Variants in EML1 observed in about 807,000 individuals in gnomAD.
EML1 encodes the protein EMAP like 1, also known as echinoderm microtubule-associated protein-like 1.
A neutral mutation model predicts 110.4 loss-of-function variants in EML1; 27 were observed. That is an observed-to-expected ratio of 0.24 (90% CI 0.18 to 0.34). The LOEUF (loss-of-function observed/expected upper bound fraction) is 0.34, where lower values mean the gene tolerates loss of function less well. Among genes scored for constraint, EML1 ranks in the 10% least tolerant of loss-of-function variants. EML1 has a pLI of 1.00. For missense variants in EML1, 741 were observed against 1,030.9 expected (o/e 0.72, Z 3.85); for synonymous variants, 344 against 385.8 (o/e 0.89, Z 1.27).
At chr14:99,766,165 TG>T (rs1396454439) in intron 1 of EML1, among the ~76,000 whole-genome samples, 1 of 148,650 alleles carries the variant, frequency 6.7e-6, no homozygotes, top group Non-Finnish European at 1.5e-5. Context: ...GAAGTGCAAT[TG>T]TTGGATCACA....
At chr14:99,832,056 C>G (rs187883435) in intron 1 of EML1, among the ~76,000 whole-genome samples, 1 of 152,150 alleles carries the variant, frequency 6.6e-6, no homozygotes, top group Non-Finnish European at 1.5e-5. Context: ...TCCCTGCCCC[C>G]CTCCACTCCA....
chr14:99,914,849 T>A, intron 15 of EML1, 152 bp downstream of exon 15: 2 of 997,820 alleles, frequency 2.0e-6, no homozygotes, highest in Non-Finnish European at 2.8e-6. Context: ...GCAATTGCAT[T>A]TAACAGTGTT....
intron 1 of EML1, among the ~76,000 whole-genome samples, chr14:99,810,632 C>T (rs1278440949): frequency 1.3e-5 from 2 of 152,154 alleles, no homozygotes; most frequent in Admixed American, 1.3e-4. Context: ...GTGGCTTTTT[C>T]AGATACCCGG....
At chr14:99,801,905 G>A (rs2057888521) in intron 1 of EML1, among the ~76,000 whole-genome samples, 1 of 152,216 alleles carries the variant, frequency 6.6e-6, no homozygotes, top group Admixed American at 6.5e-5. Flanking sequence ...CGAAATGCGA[G>A]GATGACATGG....
In EML1 at chr14:99,738,086, G is replaced by A. The variant is rs77526870; in HGVS notation, c.28+226G>A. On this transcript the variant is annotated intron_variant, in intron 1 of 10. Coordinates refer to the EML1 transcript ENST00000554479. Reference sequence around the variant, plus strand: ...CTGCCCAGTGTAGCCAGTGCAGGAAGCTGTGCCTGATTCAAGCTCTCCTGG... The same window carrying A: ...CTGCCCAGTGTAGCCAGTGCAGGAAACTGTGCCTGATTCAAGCTCTCCTGG... 2.6e-5 allele frequency among the ~76,000 whole-genome samples: 4 copies of A among 152,324 alleles called. No individual in the cohort carries two copies. In the East Asian group the frequency reaches 7.7e-4, roughly 29 times the overall value.
chr14:99,740,319 AGGCC>A (rs2057027402), intron 1 of EML1, among the ~76,000 whole-genome samples: 1 of 152,210 alleles, frequency 6.6e-6, no homozygotes, highest in African/African-American at 2.4e-5. Flanking sequence ...AAGCCAGGTT[AGGCC>A]CCTCTTCCCG....
intron 3 of EML1, among the ~76,000 whole-genome samples, chr14:99,869,307 G>T (rs2059155781): frequency 6.6e-6 from 1 of 152,050 alleles, no homozygotes; most frequent in Non-Finnish European, 1.5e-5. Context: ...ATTATGTCTG[G>T]TATGGTGATC....
chr14:99,778,911 TC>T (rs373945041), intron 1 of EML1, among the ~76,000 whole-genome samples: 421 of 152,358 alleles, frequency 2.8e-3, no homozygotes, highest in Middle Eastern at 0.017. Flanking sequence ...TTGAATGTTT[TC>T]CTATCCCCAG....
rs141631682 is a variant in EML1 at position 99,865,589 on chromosome 14, G to A, written c.326G>A (p.Gly109Asp). The A allele has an allele frequency of 1.6e-3, 2,536 of 1,614,194 alleles. 23 individuals are homozygous for A. The highest frequency in any genetic ancestry group is 0.015 in the African/African-American group (1,110 of 75,054). The stretch of plus-strand genomic sequence containing the variant: ...ACTGTGTTACCAAAGAAACCTACTG[G>A]CTCTCTACCATCCCCCTCCGGGGTC... The part of the protein sequence containing the change: ...NGTVLPKKPT[G>D]SLPSPSGVRK... Residue 109 changes from glycine to aspartate, a missense_variant, in exon 3 of 22, where the codon GGC becomes GAC. By Grantham distance (94) the Gly-to-Asp change is moderately conservative. Around this residue, in one of 4 missense-constraint regions of EML1, gnomAD observed 226 missense variants for 255.6 expected, o/e 0.88. Coordinates refer to ENST00000262233, the MANE Select transcript of EML1 (RefSeq NM_004434.3).
chr14:99,887,378 G>T (rs538348882), intron 4 of EML1, among the ~76,000 whole-genome samples: 1 of 152,110 alleles, frequency 6.6e-6, no homozygotes, highest in Non-Finnish European at 1.5e-5. Flanking sequence ...TCACCGGGGG[G>T]GCAAATCCTT....
intron 3 of EML1, among the ~76,000 whole-genome samples, chr14:99,870,573 A>G (rs1026789839): frequency 1.3e-5 from 2 of 152,238 alleles, no homozygotes; most frequent in African/African-American, 2.4e-5. Flanking sequence ...TCAAAGCTTC[A>G]AAGGACAGAC....
At chr14:99,889,943 G>A (rs373188759) in intron 4 of EML1, among the ~76,000 whole-genome samples, 1 of 152,200 alleles carries the variant, frequency 6.6e-6, no homozygotes, top group East Asian at 1.9e-4. Context: ...CATCAGGAAA[G>A]TAGTAGGCTC....
At position 99,923,664 on chromosome 14, in the gene EML1, A is replaced by G. The variant is rs565622111; in HGVS notation, c.1909+2787A>G. ...CCCCCTTCACCTGTGTTTATCCCCG[A>G]TTACTGTGACCTTAGAGGAAATTTT... On this transcript the variant is annotated intron_variant, in intron 17 of 21. Transcript: ENST00000262233. Among the ~76,000 whole-genome samples, 14 of 52,118 alleles carry G rather than the reference A, an allele frequency of 2.7e-4. No individual in the cohort carries two copies. In the East Asian group the frequency reaches 9.6e-3, roughly 36 times the overall value. 34.2% of individuals were successfully genotyped at this position (52,118 alleles called of 152,430 possible). A position where few individuals can be genotyped will look rare whatever the true frequency, so the allele number is the denominator to read the frequency against.
chr14:99,810,688 G>A (rs2058059863), intron 1 of EML1, among the ~76,000 whole-genome samples: 1 of 152,152 alleles, frequency 6.6e-6, no homozygotes. Context: ...GCCATAAAGT[G>A]GGATTCCTTC....
At position 99,940,089 on chromosome 14, in the gene EML1, A is replaced by G. The variant is rs1340697783; in HGVS notation, c.2425A>G (p.Ile809Val). 1.3e-6 allele frequency: 2 copies of G among 1,599,020 alleles called. No individual in the cohort carries two copies. The highest frequency in any genetic ancestry group is 1.7e-6 in the Non-Finnish European group (2 of 1,173,588). The change falls in exon 22 of 22, where the codon ATC (isoleucine) becomes GTC (valine). Residue 809 changes from isoleucine to valine, a missense_variant. Physicochemically the swap from Ile to Val is conservative, Grantham distance 29 (BLOSUM62 3). This residue lies in a region of EML1 where 114 missense variants were observed against 122.5 expected (regional missense o/e 0.93). Coordinates refer to ENST00000262233, the MANE Select transcript of EML1 (RefSeq NM_004434.3). ...LISTGGKDTS[I>V]MQWRVI ...CTCCACGGGCGGGAAAGACACAAGCATCATGCAGTGGCGCGTCATTTAGTA... is the reference window on the plus strand; with the variant it reads ...CTCCACGGGCGGGAAAGACACAAGCGTCATGCAGTGGCGCGTCATTTAGTA...
At chr14:99,768,733 T>C (rs902214424), upstream of EML1, among the ~76,000 whole-genome samples, 6 of 151,608 alleles carry the variant, frequency 4.0e-5, no homozygotes, top group Admixed American at 6.6e-5. Flanking sequence ...TTTTTTTTTT[T>C]TCTCAGATGG....
chr14:99,815,416 C>T (rs2058151357), intron 1 of EML1, among the ~76,000 whole-genome samples: 1 of 152,166 alleles, frequency 6.6e-6, no homozygotes, highest in East Asian at 1.9e-4. Context: ...GCCAAGATTA[C>T]AGGTGTGAGC....
intron 1 of EML1, among the ~76,000 whole-genome samples, chr14:99,779,767 A>G (rs1229068171): frequency 2.0e-5 from 3 of 152,202 alleles, no homozygotes; most frequent in African/African-American, 7.2e-5. Context: ...TCAGGCTATC[A>G]TTTATTTGCC....
chr14:99,850,998 A>G lies in EML1; in HGVS notation c.213A>G (p.Glu71=), dbSNP rs1159367434. The change falls in exon 2 of 22, where the codon GAA becomes GAG. Residue 71 remains glutamate (E), a synonymous_variant. Coordinates refer to ENST00000262233, the MANE Select transcript of EML1 (RefSeq NM_004434.3). ...DVVRRLNITE[E]QQAVLNRKGP... is the part of the protein sequence containing the mutation. ...TTCGGCGGCTGAACATTACTGAGGA[A>G]CAGCAGGCCGTGCTTAACAGGAAAG... The G allele has an allele frequency of 1.2e-6, 2 of 1,614,174 alleles. No individual in the cohort carries two copies. The highest frequency in any genetic ancestry group is 1.1e-5 in the South Asian group (1 of 91,076).
Sources: gnomAD v4.1 joint callset for allele counts (sites outside exome capture counted in the v4.1 genomes callset) on GRCh38, gnomAD v4.1.1 for gene constraint, gnomAD v4.1.1 regional missense constraint, MANE v1.5 for transcripts, NCBI Gene and HGNC (gene_info 2026-07-23, HGNC 2026-07-21) for gene names.